Variants in TFEC observed in about 807,000 individuals in gnomAD.
TFEC encodes transcription factor EC, also known as class E basic helix-loop-helix protein 34.
A neutral mutation model predicts 41.6 loss-of-function variants in TFEC; 31 were observed. The ratio of observed to expected loss-of-function variants is 0.74; its 90% CI spans 0.56 to 1.01. TFEC has a LOEUF of 1.01. TFEC is among the 50% of genes least tolerant of loss of function. The pLI is 0.00. For missense variants in TFEC, 402 were observed against 404.1 expected, an observed-to-expected ratio of 0.99 and a Z score of 0.04; for synonymous variants, 143 against 140.6, an observed-to-expected ratio of 1.02 and a Z score of -0.12.
chr7:116,138,140 A>T (rs1798470203), intron 1 of TFEC, among the ~76,000 whole-genome samples: 1 of 152,092 alleles, frequency 6.6e-6, no homozygotes, highest in South Asian at 2.1e-4. Flanking sequence ...CATGTACAGG[A>T]TCTATTAAAT....
At chr7:116,114,594 T>C (rs1797932787) in intron 1 of TFEC, among the ~76,000 whole-genome samples, 2 of 151,978 alleles carry the variant, frequency 1.3e-5, no homozygotes, top group South Asian at 4.2e-4. Context: ...ACAGAGAGTT[T>C]CTGCACACTC....
chr7:115,974,920 T>C (rs1793314494), intron 2 of TFEC, among the ~76,000 whole-genome samples: 1 of 152,032 alleles, frequency 6.6e-6, no homozygotes, highest in Non-Finnish European at 1.5e-5. Flanking sequence ...GTACCAGGCA[T>C]GCTTCTAAGT....
At chr7:116,140,371 C>T (rs1183562422) in intron 1 of TFEC, among the ~76,000 whole-genome samples, 2 of 152,152 alleles carry the variant, frequency 1.3e-5, no homozygotes, top group Non-Finnish European at 2.9e-5. Flanking sequence ...TAGTATTCCA[C>T]AGAATCAATA....
intron 1 of TFEC, among the ~76,000 whole-genome samples, chr7:116,114,566 G>A (rs1797932010): frequency 6.6e-6 from 1 of 151,830 alleles, no homozygotes; most frequent in Non-Finnish European, 1.5e-5. Flanking sequence ...ATGCTGTGGG[G>A]GTGAAGTTCC....
rs539738820 is a variant in TFEC at position 116,000,634 on chromosome 7, C to T, written c.-72-16121G>A. On this transcript the variant is annotated intron_variant, in intron 1 of 7. Transcript: ENST00000265440. ...CAACATACAAAAATCAGTAACATTT[C>T]TGATTTCAATATATGCCAACAGTGA... 1.8e-3 allele frequency among the ~76,000 whole-genome samples: 281 copies of T among 152,184 alleles called. 1 individual carries two copies. The highest frequency in any genetic ancestry group is 0.014 in the Middle Eastern group (4 of 294).
chr7:116,026,646 G>T (rs1040429669), intron 1 of TFEC, among the ~76,000 whole-genome samples: 1 of 152,192 alleles, frequency 6.6e-6, no homozygotes, highest in African/African-American at 2.4e-5. Context: ...TATTCCTACT[G>T]TAAGAGTGGA....
chr7:115,956,786 C>A lies in TFEC; in HGVS notation c.275G>T (p.Gly92Val). ...SPLLMQRTLS[G>V]SILDVYSGEQ... ...ACCGCTATACACATCCAAAATACTT[C>A]CAGATAACTTGAGAGGAAAAAGGAA... The change falls in exon 4 of 8, where the codon GGA becomes GTA. Residue 92 changes from glycine (G) to valine (V), a missense_variant. By Grantham distance (109) the Gly-to-Val change is moderately radical. Transcript: ENST00000265440. The A allele has an allele frequency of 6.4e-7, 1 of 1,565,826 alleles. No homozygotes were observed.
intron 4 of TFEC, among the ~76,000 whole-genome samples, chr7:115,956,295 ATAGAC>A (rs543825323): frequency 9.3e-4 from 140 of 150,346 alleles, no homozygotes; most frequent in African/African-American, 3.2e-3. Flanking sequence ...CATACAAAGA[ATAGAC>A]TAATTTCTCT....
At chr7:116,002,025 A>T (rs1794618548) in intron 1 of TFEC, among the ~76,000 whole-genome samples, 3 of 152,230 alleles carry the variant, frequency 2.0e-5, no homozygotes, top group Admixed American at 6.5e-5. Flanking sequence ...ACAGGTAATA[A>T]CAAATGCTGG....
At chr7:116,090,003 T>C (rs560370519) in intron 3 of TFEC, among the ~76,000 whole-genome samples, 1 of 152,250 alleles carries the variant, frequency 6.6e-6, no homozygotes, top group South Asian at 2.1e-4. Flanking sequence ...AGAAAGGGTC[T>C]GAAGGCAGGG....
At chr7:116,151,093 ACATGCTTAAT>A (rs1798751115) in intron 1 of TFEC, among the ~76,000 whole-genome samples, 1 of 152,206 alleles carries the variant, frequency 6.6e-6, no homozygotes, top group Non-Finnish European at 1.5e-5. Flanking sequence ...CTGGCATTTC[ACATGCTTAAT>A]CAGTAGCATA....
At position 115,954,177 on chromosome 7, in the gene TFEC, C is replaced by A. The variant is rs994328368; in HGVS notation, c.439+409G>T. Among the ~76,000 whole-genome samples the A allele has an allele frequency of 2.0e-5, 3 of 152,176 alleles. No homozygotes were observed. In the East Asian group the frequency reaches 5.8e-4, roughly 30 times the overall value. ...CAGCAATGCCTTTCAGATAACATAT[C>A]ATTAAGAAAGGAGGAGCAAATTGAC... On this transcript the variant is annotated intron_variant, in intron 5 of 7. Transcript: ENST00000265440.
At chr7:116,084,646 TA>T (rs141286739) in intron 3 of TFEC, among the ~76,000 whole-genome samples, 23,652 of 151,870 alleles carry the variant, frequency 0.16, 1,996 homozygotes, top group East Asian at 0.33. Flanking sequence ...TGATTATTAT[TA>T]GAATTCTGAA....
intron 1 of TFEC, among the ~76,000 whole-genome samples, chr7:116,134,232 T>C (rs1485693865): frequency 6.6e-6 from 1 of 152,186 alleles, no homozygotes; most frequent in Non-Finnish European, 1.5e-5. Flanking sequence ...AACTTTTAGA[T>C]TAAATAGTTG....
intron 1 of TFEC, among the ~76,000 whole-genome samples, chr7:116,143,065 G>A (rs371634239): frequency 3.9e-5 from 6 of 152,162 alleles, no homozygotes; most frequent in Admixed American, 6.5e-5. Context: ...AAGGTCAGGC[G>A]TGCGACTTTG....
intron 7 of TFEC, chr7:115,941,377 G>A (rs1390362051): frequency 6.2e-6 from 1 of 161,928 alleles, no homozygotes; most frequent in Non-Finnish European, 1.3e-5. Flanking sequence ...TGATATTTTG[G>A]ATTATATGAA....
intron 1 of TFEC, among the ~76,000 whole-genome samples, chr7:116,016,239 TC>T (rs1238031477): frequency 6.6e-6 from 1 of 152,088 alleles, no homozygotes; most frequent in Non-Finnish European, 1.5e-5. Context: ...CTGGCAAGCC[TC>T]AGGAGAATTA....
At chr7:115,961,041 C>G (rs1003812556) in intron 3 of TFEC, among the ~76,000 whole-genome samples, 1 of 151,432 alleles carries the variant, frequency 6.6e-6, no homozygotes, top group Admixed American at 6.6e-5. Context: ...AATAAATACA[C>G]CAAAAATAGT....
intron 2 of TFEC, among the ~76,000 whole-genome samples, chr7:115,981,540 G>C (rs1793630366): frequency 6.6e-6 from 1 of 152,086 alleles, no homozygotes. Context: ...CATCTTAGGA[G>C]CTAGATATTA....
Sources: gnomAD v4.1 joint callset for allele counts (sites outside exome capture counted in the v4.1 genomes callset) on GRCh38, gnomAD v4.1.1 for gene constraint, MANE v1.5 for transcripts, NCBI Gene and HGNC (gene_info 2026-07-23, HGNC 2026-07-21) for gene names.